The following CDH13 variants were observed in gnomAD, a reference collection of about 807,000 sequenced individuals.
CDH13 encodes cadherin-13.
Under a neutral mutation model 63.8 loss-of-function variants are expected in CDH13, and 24 were observed. The ratio of observed to expected loss-of-function variants is 0.38; its 90% CI spans 0.27 to 0.53. The LOEUF is 0.53. Ranked by LOEUF, CDH13 falls within the 20% of genes least tolerant of loss-of-function variation. CDH13 has a pLI of 0.85. For missense variants in CDH13, 1,049 were observed against 903.1 expected, an observed-to-expected ratio of 1.16 and a Z score of -2.07; for synonymous variants, 503 against 355.3, an observed-to-expected ratio of 1.42 and a Z score of -4.67.
chr16:82,690,759 G>C (rs1454137193), intron 1 of CDH13, among the ~76,000 whole-genome samples: 2 of 152,236 alleles, frequency 1.3e-5, no homozygotes, highest in Non-Finnish European at 2.9e-5. Context: ...TGCACATGCA[G>C]CACACCTGGC....
chr16:83,406,544 A>G (rs988737664), intron 6 of CDH13, among the ~76,000 whole-genome samples: 3 of 151,664 alleles, frequency 2.0e-5, no homozygotes, highest in African/African-American at 7.3e-5. Context: ...TCTCACTGCA[A>G]CCTCTGCCTC....
At position 83,039,877 on chromosome 16, in the gene CDH13, C is replaced by T. The variant is rs74030368; in HGVS notation, c.366+7659C>T. Among the ~76,000 whole-genome samples the T allele has an allele frequency of 3.5e-3, 530 of 152,206 alleles. 5 individuals are homozygous for T. Among genetic ancestry groups the T allele is most frequent in the African/African-American group, 0.012 (515 of 41,540 alleles). ...GAGGTTCCACCTACCCTATGGTCAGCACCATTGATGCTTCAGAACCAGCCA... is the reference window on the plus strand; with the variant it reads ...GAGGTTCCACCTACCCTATGGTCAGTACCATTGATGCTTCAGAACCAGCCA... On this transcript the variant is annotated intron_variant, in intron 3 of 13. Coordinates refer to ENST00000567109, the MANE Select transcript of CDH13 (RefSeq NM_001257.5).
intron 2 of CDH13, among the ~76,000 whole-genome samples, chr16:82,990,452 C>T (rs541176281): frequency 6.2e-4 from 95 of 152,130 alleles, no homozygotes; most frequent in South Asian, 1.9e-3. Context: ...CCTGGACTTA[C>T]GTTCAGGATT....
chr16:83,069,500 T>G (rs117292350), intron 3 of CDH13, among the ~76,000 whole-genome samples: 1 of 152,212 alleles, frequency 6.6e-6, no homozygotes, highest in South Asian at 2.1e-4. Context: ...TTGTCATTCT[T>G]ATTTTGAAGA....
intron 6 of CDH13, among the ~76,000 whole-genome samples, chr16:83,448,721 C>A (rs1255383469): frequency 6.6e-6 from 1 of 152,120 alleles, no homozygotes; most frequent in Non-Finnish European, 1.5e-5. Context: ...TCATTCCATG[C>A]CTGCAAGACA....
intron 5 of CDH13, among the ~76,000 whole-genome samples, chr16:83,302,933 C>A (rs749802037): frequency 1.3e-5 from 2 of 152,180 alleles, no homozygotes; most frequent in Non-Finnish European, 2.9e-5. Context: ...CAGGTGCAGT[C>A]ACTACAGTTG....
rs370960562 is a variant in CDH13 at position 83,684,393 on chromosome 16, G to A, written c.1538+5932G>A. Among the ~76,000 whole-genome samples, 8 of 152,072 alleles carry A rather than the reference G, an allele frequency of 5.3e-5. No homozygotes were observed. In the East Asian group the frequency reaches 9.7e-4, roughly 18 times the overall value. On this transcript the variant is annotated intron_variant, in intron 10 of 13. Coordinates refer to ENST00000567109, the MANE Select transcript of CDH13 (RefSeq NM_001257.5). Reference sequence around the variant, plus strand: ...TCCATCACAAAAAAAAAAAGTAGCCGAAAGATAATTATGCAAAATGGAAGT... The same window carrying A: ...TCCATCACAAAAAAAAAAAGTAGCCAAAAGATAATTATGCAAAATGGAAGT...
At position 82,961,802 on chromosome 16, in the gene CDH13, G is replaced by C. The variant is rs1377118224; in HGVS notation, c.158-70208G>C. The stretch of plus-strand genomic sequence containing the variant: ...GCCTCTGCAGAGGATAAAAGGAAAT[G>C]TCTGGAGACTTTTGGTTGTCACCGT... On this transcript the variant is annotated intron_variant, in intron 2 of 13. Transcript: ENST00000567109. 3.3e-5 allele frequency among the ~76,000 whole-genome samples: 5 copies of C among 152,288 alleles called. No homozygotes were observed. The East Asian group carries it at 9.7e-4, about 29-fold the overall frequency.
intron 5 of CDH13, among the ~76,000 whole-genome samples, chr16:83,252,286 T>TTAA (rs1905670995): frequency 2.0e-5 from 3 of 150,912 alleles, no homozygotes; most frequent in Non-Finnish European, 4.4e-5. Flanking sequence ...TTTTTTTCAT[T>TTAA]TTTATTTATT....
intron 4 of CDH13, among the ~76,000 whole-genome samples, chr16:83,180,556 A>C (rs2038310344): frequency 6.6e-6 from 1 of 152,240 alleles, no homozygotes; most frequent in East Asian, 1.9e-4. Context: ...CCCATCATTT[A>C]AGATTTCTTC....
intron 4 of CDH13, among the ~76,000 whole-genome samples, chr16:83,133,612 C>T (rs1028505629): frequency 2.6e-5 from 4 of 152,076 alleles, no homozygotes; most frequent in African/African-American, 9.7e-5. Flanking sequence ...GATTCTCATG[C>T]CTCAGCCTCC....
chr16:83,699,401 G>T (rs777144804), intron 10 of CDH13, among the ~76,000 whole-genome samples: 2 of 152,220 alleles, frequency 1.3e-5, no homozygotes, highest in Admixed American at 6.5e-5. Context: ...GTGATAAGTT[G>T]ATAAGTCCTG....
intron 4 of CDH13, among the ~76,000 whole-genome samples, chr16:83,208,145 G>C (rs1260039981): frequency 6.6e-6 from 1 of 152,178 alleles, no homozygotes; most frequent in African/African-American, 2.4e-5. Flanking sequence ...GGTGGGTGTG[G>C]AGCTTCTGTC....
rs370487294 is a variant in CDH13, at chr16:82,658,065, T to C, written c.45+30928T>C. ...TTGTAGGCTTTTTGTAGTTGTTCTT[T>C]ATTAAGTTGAAGAAGTTTCTGTCTG... On this transcript the variant is annotated intron_variant, in intron 1 of 13. Coordinates refer to ENST00000567109, the MANE Select transcript of CDH13 (RefSeq NM_001257.5). Among the ~76,000 whole-genome samples the C allele has an allele frequency of 1.4e-4, 21 of 152,358 alleles. No homozygotes were observed. In the East Asian group the frequency reaches 2.9e-3, roughly 21 times the overall value.
chr16:82,734,922 G>A (rs1308022730), intron 1 of CDH13, among the ~76,000 whole-genome samples: 1 of 152,168 alleles, frequency 6.6e-6, no homozygotes, highest in Admixed American at 6.5e-5. Flanking sequence ...ATTGAAGTAG[G>A]ATCTTGGGGG....
At chr16:83,349,905 G>T (rs2090915987) in intron 6 of CDH13, among the ~76,000 whole-genome samples, 1 of 151,970 alleles carries the variant, frequency 6.6e-6, no homozygotes, top group Admixed American at 6.6e-5. Flanking sequence ...TGGCCCTTGA[G>T]GTGCATTATT....
chr16:82,857,905 G>C (rs1194826754), intron 1 of CDH13, among the ~76,000 whole-genome samples: 1 of 152,216 alleles, frequency 6.6e-6, no homozygotes, highest in Admixed American at 6.5e-5. Flanking sequence ...TTGGGCCACA[G>C]TGAAGGCTTA....
In CDH13 at chr16:82,697,514, C is replaced by G. The variant is rs1975895; in HGVS notation, c.45+70377C>G. 1.1e-4 allele frequency among the ~76,000 whole-genome samples: 16 copies of G among 140,354 alleles called. No homozygotes were observed. In the East Asian group the frequency reaches 3.7e-3, roughly 32 times the overall value. The allele number at this position is 140,354 out of a possible 152,430, so 92.1% of individuals were successfully genotyped here. A position where few individuals can be genotyped will look rare whatever the true frequency, so the allele number is the denominator to read the frequency against. On this transcript the variant is annotated intron_variant, in intron 1 of 13. Transcript: ENST00000567109. ...GCGTGATCTCGACTCACTGCAACCT[C>G]TGCCTCCGGGTTCAAGCAATTCTTC...
chr16:82,862,840 G>C (rs1340401893), intron 2 of CDH13, among the ~76,000 whole-genome samples: 1 of 152,168 alleles, frequency 6.6e-6, no homozygotes, highest in African/African-American at 2.4e-5. Context: ...CCTCCCAGTG[G>C]TTGCCCTCCA....
Sources: gnomAD v4.1 joint callset for allele counts (sites outside exome capture counted in the v4.1 genomes callset) on GRCh38, gnomAD v4.1.1 for gene constraint, MANE v1.5 for transcripts, NCBI Gene and HGNC (gene_info 2026-07-23, HGNC 2026-07-21) for gene names.